The following SGCZ variants were observed in gnomAD, a reference collection of about 807,000 sequenced individuals.
SGCZ encodes the protein sarcoglycan zeta, also known as zeta-sarcoglycan.
In SGCZ, 40 loss-of-function variants were observed where a neutral mutation model predicts 41.3. That is an observed-to-expected ratio of 0.97 (90% CI 0.75 to 1.26). The LOEUF is 1.26. Ranked by LOEUF, SGCZ falls within the 50% of genes most tolerant of loss-of-function variation. The pLI, the probability that SGCZ is intolerant of heterozygous loss-of-function variation, is 0.00. For synonymous variants in SGCZ, 206 were observed against 137.5 expected, an observed-to-expected ratio of 1.50 and a Z score of -3.49; for missense variants, 552 against 369.8, an observed-to-expected ratio of 1.49 and a Z score of -4.04.
In SGCZ at chr8:14,805,647, C is replaced by A. The variant is rs560654312; in HGVS notation, c.40-250721G>T. Among the ~76,000 whole-genome samples, 174 of 149,862 alleles carry A rather than the reference C, an allele frequency of 1.2e-3. No individual in the cohort carries two copies. The Middle Eastern group carries it at 0.014, about 12-fold the overall frequency. ...TTAATAATGGGAGACTTTAACACCC[C>A]ACTGTCAACATTAGACAGATCAACG... On this transcript the variant is annotated intron_variant, in intron 1 of 7. Transcript: ENST00000382080.
rs867079751 is a variant in SGCZ, at chr8:14,452,701, G to T, written c.234+102031C>A. ...TTTTATGTGGAGGCCGGGAGATAGG[G>T]TGTATATTGGAACTCTTTTTGTGTT... On this transcript the variant is annotated intron_variant, in intron 2 of 7. Coordinates refer to ENST00000382080, the MANE Select transcript of SGCZ (RefSeq NM_139167.4). Among the ~76,000 whole-genome samples the T allele has an allele frequency of 2.0e-5, 3 of 152,152 alleles. No homozygotes were observed. The South Asian group carries it at 6.2e-4, about 32-fold the overall frequency.
intron 1 of SGCZ, among the ~76,000 whole-genome samples, chr8:14,671,315 G>T (rs1011275405): frequency 6.6e-6 from 1 of 151,998 alleles, no homozygotes; most frequent in African/African-American, 2.4e-5. Context: ...CTTCAACTTT[G>T]GAGACCTAAG....
chr8:14,366,373 T>C (rs541409963), intron 2 of SGCZ, among the ~76,000 whole-genome samples: 45 of 152,142 alleles, frequency 3.0e-4, no homozygotes, highest in African/African-American at 9.2e-4. Flanking sequence ...TATAAAACCA[T>C]CCGATCTTGT....
At chr8:14,378,600 C>G (rs1004887107) in intron 2 of SGCZ, among the ~76,000 whole-genome samples, 3 of 152,146 alleles carry the variant, frequency 2.0e-5, no homozygotes, top group Admixed American at 1.3e-4. Flanking sequence ...ACAAACAACC[C>G]CATCAAAAAG....
At chr8:14,396,596 T>C (rs535576028) in intron 2 of SGCZ, among the ~76,000 whole-genome samples, 2 of 152,158 alleles carry the variant, frequency 1.3e-5, no homozygotes, top group Admixed American at 6.6e-5. Flanking sequence ...ATGGACAAGA[T>C]AGACAAGGCC....
intron 1 of SGCZ, among the ~76,000 whole-genome samples, chr8:14,597,621 G>T (rs568381478): frequency 1.4e-4 from 21 of 152,214 alleles, no homozygotes; most frequent in African/African-American, 3.9e-4. Flanking sequence ...GGGATTACAG[G>T]CATGTGCCAC....
intron 1 of SGCZ, among the ~76,000 whole-genome samples, chr8:14,922,964 T>C (rs1354988328): frequency 1.3e-5 from 2 of 152,228 alleles, no homozygotes; most frequent in East Asian, 1.9e-4. Context: ...GTTCTTAGCA[T>C]TGACTGCAGT....
In SGCZ at chr8:14,677,074, T is replaced by C. The variant is rs536922800; in HGVS notation, c.40-122148A>G. ...GTCTATGTAGAAAATTAAAAAGAACTGACCAAAAAAAAACCTCTCCTGGAG... is the reference window on the plus strand; with the variant it reads ...GTCTATGTAGAAAATTAAAAAGAACCGACCAAAAAAAAACCTCTCCTGGAG... On this transcript the variant is annotated intron_variant, in intron 1 of 7. Coordinates refer to ENST00000382080, the MANE Select transcript of SGCZ (RefSeq NM_139167.4). Among the ~76,000 whole-genome samples the C allele has an allele frequency of 1.2e-3, 186 of 151,790 alleles. 1 individual carries two copies. Among genetic ancestry groups the C allele is most frequent in the African/African-American group, 4.2e-3 (173 of 41,462 alleles).
intron 1 of SGCZ, among the ~76,000 whole-genome samples, chr8:14,652,334 CAAA>C (rs34266117): frequency 6.3e-5 from 3 of 47,718 alleles, no homozygotes; most frequent in Non-Finnish European, 1.1e-4. Context: ...CAGCAAGACT[CAAA>C]AAAAAAAAAG....
intron 2 of SGCZ, among the ~76,000 whole-genome samples, chr8:14,432,735 G>C (rs1799978268): frequency 6.6e-6 from 1 of 151,934 alleles, no homozygotes. Flanking sequence ...CCAACGTGGT[G>C]AAACTCTATT....
intron 1 of SGCZ, among the ~76,000 whole-genome samples, chr8:15,091,268 A>G (rs1426390307): frequency 2.0e-5 from 3 of 152,086 alleles, no homozygotes; most frequent in Admixed American, 6.6e-5. Flanking sequence ...GGTCCTCCCA[A>G]CTTAGCCTCC....
intron 1 of SGCZ, among the ~76,000 whole-genome samples, chr8:15,166,377 A>G (rs1160801682): frequency 6.6e-6 from 1 of 151,276 alleles, no homozygotes; most frequent in African/African-American, 2.4e-5. Flanking sequence ...CCTCCTGGGT[A>G]GCTGGGACTA....
Position 14,848,470 on chromosome 8 carries a change from T to C in SGCZ, c.40-293544A>G, listed in dbSNP as rs139318691. On this transcript the variant is annotated intron_variant, in intron 1 of 7. Transcript: ENST00000382080. ...TTCAATAGACATTATAAAGCTCTTATAATCAACACACTGTTGTATTAGAGA... is the reference window on the plus strand; with the variant it reads ...TTCAATAGACATTATAAAGCTCTTACAATCAACACACTGTTGTATTAGAGA... Among the ~76,000 whole-genome samples, 1,417 of 152,286 alleles carry C rather than the reference T, an allele frequency of 9.3e-3. 14 individuals are homozygous for C. Among genetic ancestry groups the C allele is most frequent in the African/African-American group, 0.032 (1,334 of 41,566 alleles).
intron 6 of SGCZ, among the ~76,000 whole-genome samples, chr8:14,105,339 T>G (rs974966228): frequency 1.3e-5 from 2 of 152,144 alleles, no homozygotes; most frequent in African/African-American, 4.8e-5. Flanking sequence ...AATAAACTTT[T>G]GAAATGTATT....
chr8:14,176,839 T>A (rs1804557340), intron 4 of SGCZ, among the ~76,000 whole-genome samples: 1 of 152,164 alleles, frequency 6.6e-6, no homozygotes, highest in South Asian at 2.1e-4. Context: ...GAAAATTAGC[T>A]GAAAAGCAAT....
intron 1 of SGCZ, among the ~76,000 whole-genome samples, chr8:14,736,765 C>T (rs2136731): frequency 0.78 from 119,354 of 152,048 alleles, 46,920 homozygotes; most frequent in African/African-American, 0.83. Flanking sequence ...CCTAGAATCA[C>T]AGTCTCTAAT....
chr8:14,831,538 C>G (rs1357014779), intron 1 of SGCZ, among the ~76,000 whole-genome samples: 1 of 152,058 alleles, frequency 6.6e-6, no homozygotes, highest in African/African-American at 2.4e-5. Context: ...ACTAGACACA[C>G]AACTTTGGGA....
intron 1 of SGCZ, among the ~76,000 whole-genome samples, chr8:14,617,831 T>C (rs1389356893): frequency 7.3e-6 from 1 of 136,976 alleles, no homozygotes; most frequent in Non-Finnish European, 1.6e-5. Flanking sequence ...AGTAAGTTTT[T>C]ATAATTTTTT....
intron 1 of SGCZ, among the ~76,000 whole-genome samples, chr8:15,022,806 T>C (rs1803304870): frequency 6.6e-6 from 1 of 152,232 alleles, no homozygotes; most frequent in Non-Finnish European, 1.5e-5. Context: ...TTTTATGTGT[T>C]ATTTTACTTG....
Sources: allele counts gnomAD v4.1 joint callset (sites outside exome capture counted in the v4.1 genomes callset), GRCh38; gene constraint gnomAD v4.1.1; transcripts MANE v1.5; gene names NCBI Gene and HGNC (gene_info 2026-07-23, HGNC 2026-07-21).